The following TNPO1 variants were observed in gnomAD, a reference collection of about 807,000 sequenced individuals.
TNPO1 encodes the protein transportin 1, also known as transportin-1.
Under a neutral mutation model 119.5 loss-of-function variants are expected in TNPO1, and 8 were observed. The observed-to-expected ratio is 0.07, with a 90% CI of 0.04 to 0.12. The LOEUF is 0.12. Ranked by LOEUF, TNPO1 falls within the 10% of genes least tolerant of loss-of-function variation. The probability of loss-of-function intolerance (pLI) is 1.00; values close to 1 mark genes in which losing one functional copy is unlikely to be tolerated. For synonymous variants in TNPO1, 362 were observed against 363.0 expected (o/e 1.00, Z 0.03); for missense variants, 576 against 1,089.8 (o/e 0.53, Z 6.64).
chr5:72,896,999 A>G (rs1197925002), intron 19 of TNPO1, 57 bp from the exon 20 acceptor site: 5 of 1,048,224 alleles, frequency 4.8e-6, no homozygotes, highest in Non-Finnish European at 6.8e-6. Context: ...TTTCACATTG[A>G]TATTTTAACG....
chr5:72,894,171 C>T (rs1344541399), intron 18 of TNPO1, among the ~76,000 whole-genome samples: 2 of 152,210 alleles, frequency 1.3e-5, no homozygotes, highest in African/African-American at 4.8e-5. Context: ...CCTGTAATGC[C>T]AGCACTTTGG....
chr5:72,844,393 G>C (rs1745038852), intron 1 of TNPO1, among the ~76,000 whole-genome samples: 1 of 152,166 alleles, frequency 6.6e-6, no homozygotes, highest in African/African-American at 2.4e-5. Flanking sequence ...AATTGGTCAG[G>C]TTTAAGGAGG....
chr5:72,866,655 A>T (rs1350735941), intron 6 of TNPO1, among the ~76,000 whole-genome samples: 2 of 152,130 alleles, frequency 1.3e-5, no homozygotes, highest in Non-Finnish European at 2.9e-5. Context: ...TTGAAGGGTC[A>T]AGGTGGGAGG....
chr5:72,831,584 GT>G (rs1399190251), intron 1 of TNPO1, among the ~76,000 whole-genome samples: 3 of 151,954 alleles, frequency 2.0e-5, no homozygotes, highest in Non-Finnish European at 4.4e-5. Context: ...TATCAGAACA[GT>G]AATCACAAGT....
chr5:72,870,977 TG>T lies in TNPO1; in HGVS notation c.597-1660del, dbSNP rs1747350995. Among the ~76,000 whole-genome samples, 5 of 152,188 alleles carry T rather than the reference TG, an allele frequency of 3.3e-5. No homozygotes were observed. The South Asian group carries it at 1.0e-3, about 32-fold the overall frequency. On this transcript the variant is annotated intron_variant, in intron 6 of 24. Transcript: ENST00000337273. ...GTTGCTGTTGTTTTTGAGACAGAGTTGGTTTTTTTTGAGACTGAGTCTCTCT... is the reference window on the plus strand; with the variant it reads ...GTTGCTGTTGTTTTTGAGACAGAGTTGTTTTTTTTGAGACTGAGTCTCTCT...
chr5:72,900,856 T>C (rs1749753867), intron 21 of TNPO1, 118 bp from the exon 22 acceptor site: 1 of 557,772 alleles, frequency 1.8e-6, no homozygotes, highest in Non-Finnish European at 2.9e-6. Flanking sequence ...TCCGAAAAAC[T>C]CTTTTAATAT....
chr5:72,863,712 G>T (rs908329680), intron 5 of TNPO1, among the ~76,000 whole-genome samples: 1 of 144,946 alleles, frequency 6.9e-6, no homozygotes, highest in Non-Finnish European at 1.5e-5. Flanking sequence ...AGTGGACTGA[G>T]ATTGCACCAC....
At chr5:72,875,256 C>G (rs1189594448) in intron 7 of TNPO1, among the ~76,000 whole-genome samples, 4 of 152,140 alleles carry the variant, frequency 2.6e-5, no homozygotes, top group Admixed American at 1.3e-4. Context: ...AATCTTGAAT[C>G]TATTACCACC....
rs1443652598 is a variant in TNPO1, at chr5:72,912,284, T to A, written c.*3611T>A. The A allele has an allele frequency of 6.6e-6, 1 of 152,530 alleles. No individual in the cohort carries two copies. Among genetic ancestry groups the A allele is most frequent in the East Asian group, 1.9e-4 (1 of 5,198 alleles). The allele number at this position is 152,530 out of a possible 1,614,324, so 9.4% of individuals were successfully genotyped here. On this transcript the variant is annotated 3_prime_UTR_variant, in exon 25 of 25. Coordinates refer to ENST00000337273, the MANE Select transcript of TNPO1 (RefSeq NM_002270.4). The stretch of plus-strand genomic sequence containing the variant: ...GTAGCATACATTTTGTAATTAACAT[T>A]GATAAACACTGTGATTTTTTTGGTT...
intron 24 of TNPO1, among the ~76,000 whole-genome samples, chr5:72,906,278 T>TTC: frequency 2.0e-5 from 1 of 50,330 alleles, no homozygotes; most frequent in Non-Finnish European, 4.4e-5. Context: ...TTTTTTTCTT[T>TTC]TTTTTTTTTT....
chr5:72,913,179 T>C lies in TNPO1; in HGVS notation c.*4506T>C, dbSNP rs148770787. 6.6e-6 allele frequency: 1 copy of C among 152,610 alleles called. No individual in the cohort carries two copies. The highest frequency in any genetic ancestry group is 1.9e-4 in the East Asian group (1 of 5,180). 9.5% of individuals were successfully genotyped at this position (152,610 alleles called of 1,614,324 possible). ...AATATAGCGTTGTATACCAACTTAG[T>C]GCATTTTATACTGTATTAAATATGG... is the stretch of plus-strand genomic sequence containing the variant. On this transcript the variant is annotated 3_prime_UTR_variant, in exon 25 of 25. Transcript: ENST00000337273.
intron 1 of TNPO1, chr5:72,817,076 T>C (rs995444107): frequency 5.2e-6 from 2 of 384,852 alleles, no homozygotes; most frequent in Admixed American, 9.1e-5. Flanking sequence ...GCCTCGCCTG[T>C]TAAGCTGTGG....
In TNPO1 at chr5:72,872,733, C is replaced by G. The variant is rs770770463; in HGVS notation, c.678+13C>G. 2.6e-6 allele frequency: 4 copies of G among 1,561,264 alleles called. No individual in the cohort carries two copies. The highest frequency in any genetic ancestry group is 3.5e-6 in the Non-Finnish European group (4 of 1,151,938). On this transcript the variant is annotated intron_variant, in intron 7 of 24. Coordinates refer to ENST00000337273, the MANE Select transcript of TNPO1 (RefSeq NM_002270.4). ...TTCTTTTATTGAGGTAAGACTTGTT[C>G]TTGTCTCCCTCCCAACCCCCCAGCT...
At chr5:72,899,734 A>G (rs1749682507) in intron 20 of TNPO1, among the ~76,000 whole-genome samples, 1 of 152,090 alleles carries the variant, frequency 6.6e-6, no homozygotes, top group African/African-American at 2.4e-5. Context: ...CAATTTCATC[A>G]TGGTTTTTGG....
intron 1 of TNPO1, among the ~76,000 whole-genome samples, chr5:72,831,188 A>C (rs1483699118): frequency 1.3e-5 from 2 of 152,076 alleles, no homozygotes; most frequent in Admixed American, 6.6e-5. Flanking sequence ...CAGTCTGTAG[A>C]ACTTATTTCT....
intron 1 of TNPO1, among the ~76,000 whole-genome samples, chr5:72,847,150 TGAAA>T (rs769790864): frequency 1.1e-4 from 17 of 151,218 alleles, no homozygotes; most frequent in South Asian, 4.2e-4. Context: ...AAAATAAGAG[TGAAA>T]GAGAGAGGAA....
chr5:72,894,702 CTTAAT>C (rs1185791635), intron 18 of TNPO1, among the ~76,000 whole-genome samples: 2 of 152,102 alleles, frequency 1.3e-5, no homozygotes, highest in African/African-American at 2.4e-5. Flanking sequence ...TCATTTAAAC[CTTAAT>C]TTAAAATATT....
intron 4 of TNPO1, among the ~76,000 whole-genome samples, chr5:72,858,155 G>C (rs1054757605): frequency 2.0e-5 from 3 of 152,174 alleles, no homozygotes; most frequent in African/African-American, 7.2e-5. Flanking sequence ...CATAACTGCA[G>C]TGTATTTTCA....
intron 2 of TNPO1, among the ~76,000 whole-genome samples, chr5:72,849,135 T>C (rs2112246429): frequency 6.6e-6 from 1 of 152,324 alleles, no homozygotes; most frequent in African/African-American, 2.4e-5. Flanking sequence ...TGCGAACTCC[T>C]TGTCACCCAA....
Sources: allele counts gnomAD v4.1 joint callset (sites outside exome capture counted in the v4.1 genomes callset), GRCh38; gene constraint gnomAD v4.1.1; transcripts MANE v1.5; gene names NCBI Gene and HGNC (gene_info 2026-07-23, HGNC 2026-07-21).